GRM5: variants seen among roughly 807,000 people sequenced by gnomAD.
The protein encoded by GRM5 is glutamate metabotropic receptor 5.
GRM5 carries 19 observed loss-of-function variants against 83.1 expected under a neutral mutation model. That is an observed-to-expected ratio of 0.23 (90% CI 0.16 to 0.34). The LOEUF (loss-of-function observed/expected upper bound fraction) is 0.34, where lower values mean the gene tolerates loss of function less well. Among genes scored for constraint, GRM5 ranks in the 10% least tolerant of loss-of-function variants. The pLI, the probability that GRM5 is intolerant of heterozygous loss-of-function variation, is 1.00. For missense variants in GRM5, 1,160 were observed against 1,588.3 expected, an observed-to-expected ratio of 0.73 and a Z score of 4.58; for synonymous variants, 675 against 633.6, an observed-to-expected ratio of 1.07 and a Z score of -0.98.
In GRM5 at chr11:88,933,187, A is replaced by AGT. The variant is rs773606488; in HGVS notation, c.662-83033_662-83032insAC. Among the ~76,000 whole-genome samples, 71 of 106,296 alleles carry AGT rather than the reference A, an allele frequency of 6.7e-4. 1 individual carries two copies. Among genetic ancestry groups the AGT allele is most frequent in the African/African-American group, 2.3e-3 (65 of 27,702 alleles). The allele number at this position is 106,296 out of a possible 152,430, so 69.7% of individuals were successfully genotyped here. On this transcript the variant is annotated intron_variant, in intron 2 of 9. Coordinates refer to ENST00000305447, the MANE Select transcript of GRM5 (RefSeq NM_001143831.3). ...GGTCTGCAATTCAAATATTTGGGGC[A>AGT]TTTTTTTTTTTTTTTTTTTTGCTAA...
rs57056964 is a variant in GRM5 at position 89,009,919 on chromosome 11, A to AAACAAAAAAAAAAAC, written c.661+37292_661+37293insGTTTTTTTTTTTGTT. 2.3e-4 allele frequency among the ~76,000 whole-genome samples: 29 copies of AAACAAAAAAAAAAAC among 126,438 alleles called. 2 individuals carry two copies. The highest frequency in any genetic ancestry group is 1.1e-3 in the African/African-American group (27 of 23,816). 82.9% of individuals were successfully genotyped at this position (126,438 alleles called of 152,430 possible). A position where few individuals can be genotyped will look rare whatever the true frequency, so the allele number is the denominator to read the frequency against. ...CCGTCTCAAAAAAAAAAAAAAAAAA[A>AAACAAAAAAAAAAAC]AAAAAAAAAAACACACACAAAATCA... On this transcript the variant is annotated intron_variant, in intron 2 of 9. Transcript: ENST00000305447.
rs1170782757 is a variant in GRM5, at chr11:88,663,082, A to G, written c.912-9679T>C. Among the ~76,000 whole-genome samples the G allele has an allele frequency of 3.3e-5, 5 of 152,110 alleles. No homozygotes were observed. In the East Asian group the frequency reaches 9.6e-4, roughly 29 times the overall value. On this transcript the variant is annotated intron_variant, in intron 3 of 9. Coordinates refer to ENST00000305447, the MANE Select transcript of GRM5 (RefSeq NM_001143831.3). ...ATATGAAGTTAATACTCACTTCCCA[A>G]CTCTATTCTGCATTTCTTCACTTGG...
At chr11:88,591,985 A>G (rs967067491) in intron 6 of GRM5, among the ~76,000 whole-genome samples, 1 of 152,210 alleles carries the variant, frequency 6.6e-6, no homozygotes, top group East Asian at 1.9e-4. Flanking sequence ...AAACTAAGGT[A>G]AAGTTAGCTC....
intron 2 of GRM5, among the ~76,000 whole-genome samples, chr11:88,911,059 T>C (rs1338273821): frequency 6.6e-6 from 1 of 152,148 alleles, no homozygotes; most frequent in Non-Finnish European, 1.5e-5. Context: ...AAAATGTTGC[T>C]TTGTAAATAA....
chr11:88,956,135 G>A (rs1163720954), intron 2 of GRM5, among the ~76,000 whole-genome samples: 1 of 152,194 alleles, frequency 6.6e-6, no homozygotes, highest in East Asian at 1.9e-4. Context: ...AAAGCTTAGA[G>A]TAGCAGATTG....
At chr11:88,872,755 T>C (rs1944791075) in intron 2 of GRM5, among the ~76,000 whole-genome samples, 2 of 151,060 alleles carry the variant, frequency 1.3e-5, no homozygotes, top group Non-Finnish European at 3.0e-5. Context: ...AGCATATTAC[T>C]AGAAAAAATC....
intron 2 of GRM5, among the ~76,000 whole-genome samples, chr11:88,981,788 T>C (rs1226901142): frequency 6.6e-6 from 1 of 152,202 alleles, no homozygotes; most frequent in Non-Finnish European, 1.5e-5. Flanking sequence ...AGCCCTCACT[T>C]TCTTCATCTG....
chr11:88,666,392 A>T (rs891478610), intron 3 of GRM5, among the ~76,000 whole-genome samples: 22 of 152,192 alleles, frequency 1.4e-4, no homozygotes, highest in African/African-American at 5.3e-4. Context: ...GGGAAACTTG[A>T]GAGGTGTTCT....
intron 7 of GRM5, among the ~76,000 whole-genome samples, chr11:88,583,501 T>C (rs1943255800): frequency 6.6e-6 from 1 of 152,228 alleles, no homozygotes; most frequent in South Asian, 2.1e-4. Flanking sequence ...AAGCAGGAGA[T>C]AATGCTAACT....
At chr11:88,925,361 T>A (rs1404592649) in intron 2 of GRM5, among the ~76,000 whole-genome samples, 1 of 152,036 alleles carries the variant, frequency 6.6e-6, no homozygotes, top group Non-Finnish European at 1.5e-5. Context: ...TAGCTTCATC[T>A]CCCAAAGTCC....
chr11:88,645,003 A>G (rs1939399785), intron 4 of GRM5, among the ~76,000 whole-genome samples: 1 of 152,098 alleles, frequency 6.6e-6, no homozygotes, highest in African/African-American at 2.4e-5. Context: ...CATTAATGTA[A>G]AGAAGTTCAA....
chr11:88,851,211 C>T (rs896546890), intron 2 of GRM5, among the ~76,000 whole-genome samples: 1 of 152,096 alleles, frequency 6.6e-6, no homozygotes, highest in Admixed American at 6.5e-5. Flanking sequence ...ATTTTTGGAA[C>T]ATTTTAAGGC....
At chr11:88,696,656 T>A (rs1410635817) in intron 3 of GRM5, among the ~76,000 whole-genome samples, 1 of 152,218 alleles carries the variant, frequency 6.6e-6, no homozygotes, top group Non-Finnish European at 1.5e-5. Flanking sequence ...CTGGGAAAAT[T>A]ATGTAACATT....
At chr11:88,926,147 T>C (rs1037796407) in intron 2 of GRM5, among the ~76,000 whole-genome samples, 1 of 152,106 alleles carries the variant, frequency 6.6e-6, no homozygotes, top group Admixed American at 6.6e-5. Context: ...CCCTAAACTC[T>C]CAATGAATAC....
intron 1 of GRM5, among the ~76,000 whole-genome samples, chr11:89,063,917 C>T (rs1259525269): frequency 1.3e-5 from 2 of 152,014 alleles, no homozygotes; most frequent in Non-Finnish European, 2.9e-5. Flanking sequence ...ACATGTTTAC[C>T]GTCATATCTC....
intron 2 of GRM5, among the ~76,000 whole-genome samples, chr11:88,856,595 ATAGTT>A (rs1379904504): frequency 1.3e-5 from 2 of 152,118 alleles, no homozygotes; most frequent in African/African-American, 2.4e-5. Context: ...AAAATATAGT[ATAGTT>A]AATACATAAA....
intron 3 of GRM5, among the ~76,000 whole-genome samples, chr11:88,821,344 CAAAAAAAAAAA>C (rs375051761): frequency 2.9e-5 from 2 of 68,176 alleles, no homozygotes; most frequent in Non-Finnish European, 6.7e-5. Context: ...CTTGAGGGGC[CAAAAAAAAAAA>C]AAAAAAAGAA....
chr11:88,893,098 G>C (rs1416157668), intron 2 of GRM5, among the ~76,000 whole-genome samples: 1 of 150,018 alleles, frequency 6.7e-6, no homozygotes, highest in African/African-American at 2.5e-5. Context: ...CACTGCTGTA[G>C]TATTTTGCTT....
chr11:88,937,172 G>A lies in GRM5; in HGVS notation c.662-87017C>T, dbSNP rs1470069214. On this transcript the variant is annotated intron_variant, in intron 2 of 9. Transcript: ENST00000305447. ...ATTGAGCTTAATTTGAGCTCAGAGG[G>A]ACCAACTGGGTTTGACCTTAACATG... 4.0e-5 allele frequency among the ~76,000 whole-genome samples: 6 copies of A among 151,604 alleles called. No individual in the cohort carries two copies. The East Asian group carries it at 1.2e-3, about 29-fold the overall frequency.
Sources: gnomAD v4.1 joint callset for allele counts (sites outside exome capture counted in the v4.1 genomes callset) on GRCh38, gnomAD v4.1.1 for gene constraint, MANE v1.5 for transcripts, NCBI Gene and HGNC (gene_info 2026-07-23, HGNC 2026-07-21) for gene names.